CFAP69: variants seen among roughly 807,000 people sequenced by gnomAD.
CFAP69 encodes the protein cilia- and flagella-associated protein 69.
A neutral mutation model predicts 123.0 loss-of-function variants in CFAP69; 92 were observed. That is an observed-to-expected ratio of 0.75 (90% CI 0.63 to 0.89). The LOEUF (loss-of-function observed/expected upper bound fraction) is 0.89. Among genes scored for constraint, CFAP69 ranks in the 40% least tolerant of loss-of-function variants. CFAP69 has a pLI of 0.00. For missense variants in CFAP69, 1,067 were observed against 1,096.9 expected (o/e 0.97, Z 0.39); for synonymous variants, 380 against 364.3 (o/e 1.04, Z -0.49).
At chr7:90,292,943 G>A (rs1409610215) in intron 15 of CFAP69, among the ~76,000 whole-genome samples, 1 of 152,112 alleles carries the variant, frequency 6.6e-6, no homozygotes, top group Non-Finnish European at 1.5e-5. Context: ...ACGACCTTTT[G>A]AAGAGGATCA....
At chr7:90,258,070 A>T in intron 2 of CFAP69, 28 bp from the exon 3 acceptor site, 1 of 1,561,084 alleles carries the variant, frequency 6.4e-7, no homozygotes, top group Non-Finnish European at 8.7e-7. Flanking sequence ...AAAAGCACAA[A>T]AGAACTAAAA....
At chr7:90,314,469 C>T (rs1794592605), downstream of CFAP69, among the ~76,000 whole-genome samples, 1 of 151,874 alleles carries the variant, frequency 6.6e-6, no homozygotes, top group Non-Finnish European at 1.5e-5. Context: ...CAAAAAAATA[C>T]AAAAATTATT....
chr7:90,279,311 T>C (rs1789073682), intron 11 of CFAP69, among the ~76,000 whole-genome samples: 1 of 152,166 alleles, frequency 6.6e-6, no homozygotes, highest in Non-Finnish European at 1.5e-5. Flanking sequence ...CCCCAAAATA[T>C]TCTATGTTTT....
rs878914266 is a variant in CFAP69, at chr7:90,310,227, A to T, written c.2815A>T (p.Ile939Phe). Residue 939 changes from isoleucine (I) to phenylalanine (F), a missense_variant, in exon 23 of 23, where the codon ATT becomes TTT. Physicochemically the swap from Ile to Phe is conservative, Grantham distance 21 (BLOSUM62 0). Coordinates refer to ENST00000389297, the MANE Select transcript of CFAP69 (RefSeq NM_001039706.3). ...AATTGTGGATGCACCAAAAAAGAGT[A>T]TTCCTACGTAATATACTATAGAGAC... The part of the protein sequence containing the change: ...VKIVDAPKKS[I>F]PT 5 of 1,613,108 alleles carry T rather than the reference A, an allele frequency of 3.1e-6. No homozygotes were observed. The Admixed American group carries it at 8.3e-5, about 27-fold the overall frequency.
At chr7:90,276,094 TTGAA>T (rs2116981736) in intron 9 of CFAP69, 1 of 152,322 alleles carries the variant, frequency 6.6e-6, no homozygotes, top group African/African-American at 2.4e-5. Flanking sequence ...TTAAAAATCA[TTGAA>T]TGATTGAAAT....
At chr7:90,259,750 T>C (rs913374693) in intron 3 of CFAP69, among the ~76,000 whole-genome samples, 2 of 152,168 alleles carry the variant, frequency 1.3e-5, no homozygotes, top group African/African-American at 4.8e-5. Flanking sequence ...CCTCCCAAAG[T>C]GCTGGGATTA....
At chr7:90,278,602 A>G (rs1486538531) in intron 11 of CFAP69, among the ~76,000 whole-genome samples, 1 of 152,116 alleles carries the variant, frequency 6.6e-6, no homozygotes, top group Non-Finnish European at 1.5e-5. Context: ...TTATAAGTCA[A>G]TTCTAATTAA....
chr7:90,270,488 A>C (rs943679213), intron 6 of CFAP69, among the ~76,000 whole-genome samples: 1 of 152,176 alleles, frequency 6.6e-6, no homozygotes, highest in Non-Finnish European at 1.5e-5. Context: ...TCTCTAGATT[A>C]TGAAAATATA....
intron 5 of CFAP69, among the ~76,000 whole-genome samples, chr7:90,266,527 A>G (rs1363977824): frequency 6.6e-6 from 1 of 152,142 alleles, no homozygotes; most frequent in Non-Finnish European, 1.5e-5. Flanking sequence ...TGTTGCCATT[A>G]TTTTTAAATA....
intron 1 of CFAP69, among the ~76,000 whole-genome samples, chr7:90,248,902 C>T (rs929233530): frequency 5.3e-5 from 8 of 152,098 alleles, no homozygotes; most frequent in African/African-American, 1.9e-4. Context: ...AAATGCCTAC[C>T]TCATCGAATT....
At chr7:90,252,870 G>A (rs1197966590) in intron 1 of CFAP69, among the ~76,000 whole-genome samples, 1 of 151,998 alleles carries the variant, frequency 6.6e-6, no homozygotes. Flanking sequence ...TAAAGGCAAG[G>A]AAATACTAAA....
chr7:90,272,599 A>G (rs905373376), intron 8 of CFAP69, among the ~76,000 whole-genome samples: 3 of 152,174 alleles, frequency 2.0e-5, no homozygotes, highest in Admixed American at 1.3e-4. Flanking sequence ...CCAAAGCAAT[A>G]TAGAAAATTT....
rs1335664641 is a variant in CFAP69 at position 90,306,931 on chromosome 7, G to T, written c.2296G>T (p.Glu766Ter). 2 of 1,554,996 alleles carry T rather than the reference G, an allele frequency of 1.3e-6. No individual in the cohort carries two copies. Among genetic ancestry groups the T allele is most frequent in the Non-Finnish European group, 1.8e-6 (2 of 1,134,980 alleles). ...AGAAATATGGAATGAAATATATGAA[G>T]AAATAAAATTAGAAAAATTAAGACC... The part of the protein sequence containing the change: ...IGEIWNEIYE[E>*]IKLEKLRPVT... Residue 766 changes from glutamate to a stop codon, truncating the protein, a stop_gained, in exon 20 of 23, where the codon GAA becomes TAA. Coordinates refer to ENST00000389297, the MANE Select transcript of CFAP69 (RefSeq NM_001039706.3). LOFTEE classifies it high-confidence loss of function.
chr7:90,289,236 A>C (rs1225855179), intron 15 of CFAP69, among the ~76,000 whole-genome samples: 2 of 152,086 alleles, frequency 1.3e-5, no homozygotes, highest in Non-Finnish European at 2.9e-5. Flanking sequence ...TAATACTAAA[A>C]AATTTTCCAA....
At chr7:90,289,642 C>G (rs1376626177) in intron 15 of CFAP69, among the ~76,000 whole-genome samples, 2 of 152,066 alleles carry the variant, frequency 1.3e-5, no homozygotes, top group African/African-American at 4.8e-5. Flanking sequence ...GTCCAATTTA[C>G]CAGTCTTTTT....
chr7:90,263,043 C>T (rs970599560), intron 4 of CFAP69, among the ~76,000 whole-genome samples: 22 of 152,096 alleles, frequency 1.4e-4, no homozygotes, highest in South Asian at 8.3e-4. Flanking sequence ...TATTGACATA[C>T]GATTATATAA....
Position 90,279,747 on chromosome 7 carries a change from T to C in CFAP69, c.1226T>C (p.Ile409Thr). 6.2e-7 allele frequency: 1 copy of C among 1,612,990 alleles called. No homozygotes were observed. The highest frequency in any genetic ancestry group is 1.1e-5 in the South Asian group (1 of 90,878). Reference sequence around the variant, plus strand: ...AAGAAGCCTGAGAAGCAAAAAATAATTGACTGGTCTGCAGCACAGCATGAA... The same window carrying C: ...AAGAAGCCTGAGAAGCAAAAAATAACTGACTGGTCTGCAGCACAGCATGAA... ...YVKKPEKQKI[I>T]DWSAAQHEEL... Residue 409 changes from isoleucine (I) to threonine (T), a missense_variant, in exon 12 of 23, where the codon ATT (isoleucine) becomes ACT (threonine). Physicochemically the swap from Ile to Thr is moderately conservative, Grantham distance 89. Coordinates refer to ENST00000389297, the MANE Select transcript of CFAP69 (RefSeq NM_001039706.3).
At chr7:90,298,572 G>A (rs1343198668) in intron 16 of CFAP69, among the ~76,000 whole-genome samples, 3 of 152,154 alleles carry the variant, frequency 2.0e-5, no homozygotes, top group Non-Finnish European at 4.4e-5. Flanking sequence ...TTTAGCAAAA[G>A]TGCTAAAATT....
chr7:90,263,345 T>A (rs1359485843), intron 4 of CFAP69, among the ~76,000 whole-genome samples: 1 of 152,160 alleles, frequency 6.6e-6, no homozygotes, highest in Non-Finnish European at 1.5e-5. Flanking sequence ...TTCAAGACAT[T>A]TTTGGAAGAT....
Sources: gnomAD v4.1 joint callset for allele counts (sites outside exome capture counted in the v4.1 genomes callset) on GRCh38, gnomAD v4.1.1 for gene constraint, MANE v1.5 for transcripts, NCBI Gene and HGNC (gene_info 2026-07-23, HGNC 2026-07-21) for gene names.